Variants in TAFA4 observed in about 807,000 individuals in gnomAD.
The protein encoded by TAFA4 is chemokine-like protein TAFA-4.
A neutral mutation model predicts 21.1 loss-of-function variants in TAFA4; 20 were observed. That is an observed-to-expected ratio of 0.95 (90% CI 0.67 to 1.38). The LOEUF (loss-of-function observed/expected upper bound fraction) is 1.38. TAFA4 is among the 40% of genes most tolerant of loss of function. The pLI is 0.00. For synonymous variants in TAFA4, 71 were observed against 67.4 expected (o/e 1.05, Z -0.26); for missense variants, 211 against 180.9 (o/e 1.17, Z -0.95).
At chr3:68,851,255 C>T (rs1704940944) in intron 3 of TAFA4, among the ~76,000 whole-genome samples, 1 of 152,124 alleles carries the variant, frequency 6.6e-6, no homozygotes, top group Admixed American at 6.6e-5. Context: ...GAAAACCAAA[C>T]ACATGTTCTC....
intron 3 of TAFA4, among the ~76,000 whole-genome samples, chr3:68,806,948 G>A (rs1397321872): frequency 1.3e-5 from 2 of 152,182 alleles, no homozygotes; most frequent in Admixed American, 1.3e-4. Context: ...TTTACTGAGT[G>A]CTAACATGTA....
rs181006389 is a variant in TAFA4, at chr3:68,837,809, A to C, written c.130+42921T>G. On this transcript the variant is annotated intron_variant, in intron 3 of 5. Transcript: ENST00000295569. ...AAATATCAATGGGAGATTTGTCAGC[A>C]ATAGTTTATATTAATGACTTTTTTG... is the stretch of plus-strand genomic sequence containing the variant. Among the ~76,000 whole-genome samples the C allele has an allele frequency of 8.9e-4, 135 of 152,248 alleles. 2 individuals are homozygous for C. Among genetic ancestry groups the C allele is most frequent in the Admixed American group, 8.8e-3 (134 of 15,278 alleles).
intron 3 of TAFA4, among the ~76,000 whole-genome samples, chr3:68,783,705 G>A (rs71302150): frequency 0.041 from 4,089 of 99,484 alleles, 151 homozygotes; most frequent in African/African-American, 0.12. Context: ...GAGAGAGAGA[G>A]AGAAAGAAAA....
chr3:68,772,440 G>A (rs564726172), intron 3 of TAFA4, among the ~76,000 whole-genome samples: 2 of 152,106 alleles, frequency 1.3e-5, no homozygotes, highest in Non-Finnish European at 2.9e-5. Flanking sequence ...TGGAGGCCCA[G>A]ATAGAACAAA....
chr3:68,754,279 A>G (rs542887167), intron 3 of TAFA4, among the ~76,000 whole-genome samples: 1 of 152,160 alleles, frequency 6.6e-6, no homozygotes, highest in Non-Finnish European at 1.5e-5. Flanking sequence ...TTTTATAGCT[A>G]TTTTCCCCCT....
intron 4 of TAFA4, among the ~76,000 whole-genome samples, chr3:68,742,314 A>C (rs1702373024): frequency 6.6e-6 from 1 of 152,250 alleles, no homozygotes; most frequent in Non-Finnish European, 1.5e-5. Context: ...GGCAAGAAAA[A>C]AATAAAAAAG....
chr3:68,829,612 G>T (rs562156021), intron 3 of TAFA4, among the ~76,000 whole-genome samples: 2 of 152,128 alleles, frequency 1.3e-5, no homozygotes, highest in Admixed American at 6.5e-5. Flanking sequence ...GCGGATTTTC[G>T]CATCGATGTT....
intron 3 of TAFA4, among the ~76,000 whole-genome samples, chr3:68,864,554 T>C (rs1203391232): frequency 6.6e-6 from 1 of 152,106 alleles, no homozygotes; most frequent in Non-Finnish European, 1.5e-5. Context: ...AAGTCAAACA[T>C]ACACCTACCA....
chr3:68,811,318 A>G (rs547798444), intron 3 of TAFA4, among the ~76,000 whole-genome samples: 1 of 152,350 alleles, frequency 6.6e-6, no homozygotes, highest in African/African-American at 2.4e-5. Flanking sequence ...ACAAAGCTGG[A>G]CAGAGAATGA....
At chr3:68,783,673 CAGAGAGAGAGAGAGAGAGAG>C (rs1163439201) in intron 3 of TAFA4, among the ~76,000 whole-genome samples, 1 of 86,190 alleles carries the variant, frequency 1.2e-5, no homozygotes, top group Admixed American at 1.2e-4. Context: ...CACACACACA[CAGAGAGAGAGAGAGAGAGAG>C]AGAGAGAGAG....
chr3:68,850,837 G>C (rs558097832), intron 3 of TAFA4, among the ~76,000 whole-genome samples: 1 of 151,990 alleles, frequency 6.6e-6, no homozygotes, highest in East Asian at 1.9e-4. Context: ...TAGGTTGCCT[G>C]TTCTCTCTGA....
At chr3:68,801,628 A>G (rs1343342304) in intron 3 of TAFA4, among the ~76,000 whole-genome samples, 1 of 152,210 alleles carries the variant, frequency 6.6e-6, no homozygotes, top group Non-Finnish European at 1.5e-5. Context: ...TCTTATCACC[A>G]TAATCTGGCT....
At chr3:68,747,674 T>C (rs1254479781) in intron 4 of TAFA4, among the ~76,000 whole-genome samples, 1 of 152,194 alleles carries the variant, frequency 6.6e-6, no homozygotes, top group East Asian at 1.9e-4. Flanking sequence ...CCTGACTGAT[T>C]GTGAGCTCAC....
intron 3 of TAFA4, among the ~76,000 whole-genome samples, chr3:68,809,969 A>C (rs1214667873): frequency 6.6e-6 from 1 of 152,200 alleles, no homozygotes; most frequent in African/African-American, 2.4e-5. Flanking sequence ...ACTTGCTTGT[A>C]GCAGATTTTC....
At chr3:68,775,114 G>A (rs1450009755) in intron 3 of TAFA4, among the ~76,000 whole-genome samples, 1 of 152,164 alleles carries the variant, frequency 6.6e-6, no homozygotes, top group East Asian at 1.9e-4. Flanking sequence ...TGCTATACAG[G>A]CAGACAATCA....
intron 4 of TAFA4, among the ~76,000 whole-genome samples, chr3:68,747,264 A>G (rs1334870149): frequency 4.6e-5 from 7 of 152,050 alleles, no homozygotes; most frequent in Non-Finnish European, 8.8e-5. Flanking sequence ...TCTCTCTCAA[A>G]CACACACACT....
At chr3:68,886,307 T>C (rs898247099) in intron 1 of TAFA4, among the ~76,000 whole-genome samples, 1 of 152,146 alleles carries the variant, frequency 6.6e-6, no homozygotes, top group Admixed American at 6.5e-5. Context: ...GGGCCTTGAG[T>C]AATTAGTTCA....
chr3:68,828,583 G>C (rs1704308216), intron 3 of TAFA4, among the ~76,000 whole-genome samples: 1 of 152,116 alleles, frequency 6.6e-6, no homozygotes, highest in African/African-American at 2.4e-5. Flanking sequence ...TCTTTGAAGA[G>C]GTCCTTCACA....
chr3:68,734,006 T>C (rs1267850276), intron 5 of TAFA4, among the ~76,000 whole-genome samples: 1 of 152,148 alleles, frequency 6.6e-6, no homozygotes, highest in East Asian at 1.9e-4. Flanking sequence ...GGAAAACTTT[T>C]ACTGGAAAGG....
Sources: gnomAD v4.1 joint callset for allele counts (sites outside exome capture counted in the v4.1 genomes callset) on GRCh38, gnomAD v4.1.1 for gene constraint, MANE v1.5 for transcripts, NCBI Gene and HGNC (gene_info 2026-07-23, HGNC 2026-07-21) for gene names.